Variants in NFIB observed in about 807,000 individuals in gnomAD.
NFIB encodes nuclear factor 1 B-type.
A neutral mutation model predicts 61.5 loss-of-function variants in NFIB; 11 were observed. The observed-to-expected ratio is 0.18, with a 90% CI of 0.11 to 0.30. The LOEUF (loss-of-function observed/expected upper bound fraction) is 0.30. Ranked by LOEUF, NFIB falls within the 10% of genes least tolerant of loss-of-function variation. The pLI is 1.00. For synonymous variants in NFIB, 260 were observed against 216.5 expected (o/e 1.20, Z -1.76); for missense variants, 471 against 608.9 (o/e 0.77, Z 2.38).
At chr9:14,433,706 G>C in the NFIB span, among the ~76,000 whole-genome samples, 1 of 152,130 alleles carries the variant, frequency 6.6e-6, no homozygotes, top group Non-Finnish European at 1.5e-5. Flanking sequence ...CTACACTCCA[G>C]TTTTATCATA....
intron 1 of NFIB, among the ~76,000 whole-genome samples, chr9:14,344,578 C>T (rs1432755340): frequency 6.6e-6 from 1 of 152,092 alleles, no homozygotes; most frequent in Non-Finnish European, 1.5e-5. Flanking sequence ...TTATCGATTT[C>T]TCAGTCCTAA....
chr9:14,353,219 G>A (rs1012043824), intron 1 of NFIB, among the ~76,000 whole-genome samples: 1 of 152,262 alleles, frequency 6.6e-6, no homozygotes, highest in Non-Finnish European at 1.5e-5. Flanking sequence ...GGTCCAGGCC[G>A]CGTGAGCTTC....
chr9:14,287,648 C>T (rs9696423), intron 2 of NFIB, among the ~76,000 whole-genome samples: 119,193 of 151,486 alleles, frequency 0.79, 47,945 homozygotes, highest in Non-Finnish European at 0.87. Flanking sequence ...TCTTGAACTA[C>T]TGACCTCGTG....
chr9:14,201,587 T>C (rs2890985), intron 2 of NFIB, among the ~76,000 whole-genome samples: 132,532 of 152,216 alleles, frequency 0.87, 57,978 homozygotes, highest in South Asian at 0.94. Flanking sequence ...GCCCACATGG[T>C]CTTGCTCACA....
At chr9:14,209,228 A>G (rs192970475) in intron 2 of NFIB, among the ~76,000 whole-genome samples, 7 of 152,290 alleles carry the variant, frequency 4.6e-5, no homozygotes, top group Admixed American at 1.3e-4. Context: ...TCACTGAATA[A>G]TTGCTCGTTT....
chr9:14,154,973 A>G (rs1367810680), intron 4 of NFIB, among the ~76,000 whole-genome samples: 1 of 152,154 alleles, frequency 6.6e-6, no homozygotes, highest in Non-Finnish European at 1.5e-5. Flanking sequence ...GAGAAACACA[A>G]CTTAGGCAGG....
intron 2 of NFIB, among the ~76,000 whole-genome samples, chr9:14,231,135 A>AAATAT (rs55959148): frequency 0.011 from 398 of 35,338 alleles, 8 homozygotes; most frequent in African/African-American, 0.018. Context: ...AAAAAAAAAA[A>AAATAT]ATATATATAT....
intron 3 of NFIB, among the ~76,000 whole-genome samples, chr9:14,174,110 T>A (rs1330537844): frequency 1.3e-5 from 2 of 152,194 alleles, no homozygotes; most frequent in Non-Finnish European, 2.9e-5. Flanking sequence ...AAGAACTTTA[T>A]TGAATGTGAC....
At chr9:14,282,866 G>A (rs961251134) in intron 2 of NFIB, among the ~76,000 whole-genome samples, 2 of 152,126 alleles carry the variant, frequency 1.3e-5, no homozygotes, top group Non-Finnish European at 2.9e-5. Flanking sequence ...TATGAACTTC[G>A]GTCATGACTG....
intron 1 of NFIB, among the ~76,000 whole-genome samples, chr9:14,377,373 A>T (rs1029617328): frequency 2.6e-5 from 4 of 151,966 alleles, no homozygotes; most frequent in African/African-American, 9.7e-5. Context: ...ACACCACCAC[A>T]CCTGGCTATT....
chr9:14,321,096 G>T (rs1373353670), intron 1 of NFIB, among the ~76,000 whole-genome samples: 1 of 152,060 alleles, frequency 6.6e-6, no homozygotes, highest in African/African-American at 2.4e-5. Context: ...TGGCTTCCCC[G>T]CCCCCTTCAA....
At chr9:14,417,406 T>A in the NFIB span, among the ~76,000 whole-genome samples, 2 of 152,184 alleles carry the variant, frequency 1.3e-5, no homozygotes, top group Non-Finnish European at 2.9e-5. Context: ...TGTATGAAGT[T>A]CACACGATAA....
At position 14,125,629 on chromosome 9, in the gene NFIB, C is replaced by T. The variant is rs1481109017; in HGVS notation, c.1060+3G>A. On this transcript the variant is annotated splice_donor_region_variant and intron_variant, in intron 7 of 10. Transcript: ENST00000380953. ...CTTCTCCTCTATGCTTGAAACTCCT[C>T]ACCACTGTGTGCAACTCCAGGTATT... is the stretch of plus-strand genomic sequence containing the variant. 1 of 1,614,034 alleles carries T rather than the reference C, an allele frequency of 6.2e-7. No homozygotes were observed. The highest frequency in any genetic ancestry group is 1.7e-5 in the Admixed American group (1 of 60,020).
the NFIB span, among the ~76,000 whole-genome samples, chr9:14,420,519 C>T: frequency 2.0e-5 from 3 of 149,414 alleles, no homozygotes; most frequent in Non-Finnish European, 4.4e-5. Context: ...TCCACACCAA[C>T]CCCCCAAATA....
chr9:14,119,007 T>C (rs2038567309), intron 8 of NFIB, among the ~76,000 whole-genome samples: 1 of 151,956 alleles, frequency 6.6e-6, no homozygotes, highest in South Asian at 2.1e-4. Context: ...AATTAAGACA[T>C]CAGTTAAAAA....
intron 1 of NFIB, among the ~76,000 whole-genome samples, chr9:14,366,829 C>T (rs1175843581): frequency 1.3e-5 from 2 of 152,092 alleles, no homozygotes; most frequent in Non-Finnish European, 2.9e-5. Context: ...TCTGTCAGAA[C>T]CCTCTAGGAC....
chr9:14,454,179 A>G, the NFIB span, among the ~76,000 whole-genome samples: 1 of 152,258 alleles, frequency 6.6e-6, no homozygotes, highest in African/African-American at 2.4e-5. Context: ...TCCAAATACA[A>G]GTTGTCATTT....
upstream of NFIB, chr9:14,317,180 T>A (rs2060563383): frequency 6.6e-6 from 1 of 152,144 alleles, no homozygotes; most frequent in Non-Finnish European, 1.5e-5. Flanking sequence ...CTTTATTAGT[T>A]TCCCTTTCCC....
chr9:14,496,497 G>A, the NFIB span, among the ~76,000 whole-genome samples: 1 of 152,072 alleles, frequency 6.6e-6, no homozygotes, highest in East Asian at 1.9e-4. Context: ...ATTTAATTTG[G>A]GTGGCTTTGG....
Sources: allele counts gnomAD v4.1 joint callset (sites outside exome capture counted in the v4.1 genomes callset), GRCh38; gene constraint gnomAD v4.1.1; transcripts MANE v1.5; gene names NCBI Gene and HGNC (gene_info 2026-07-23, HGNC 2026-07-21).